XKR5: variants seen among roughly 807,000 people sequenced by gnomAD.
XKR5 encodes the protein XK-related protein 5.
In XKR5, 46 loss-of-function variants were observed where a neutral mutation model predicts 40.8. That is an observed-to-expected ratio of 1.13 (90% confidence interval 0.89 to 1.44). XKR5 has a LOEUF of 1.44. XKR5 is among the 40% of genes most tolerant of loss of function. The probability of loss-of-function intolerance (pLI) is 0.00; values close to 1 mark genes in which losing one functional copy is unlikely to be tolerated. For missense variants in XKR5, 1,169 were observed against 844.7 expected (o/e 1.38, Z -4.76); for synonymous variants, 466 against 356.1 (o/e 1.31, Z -3.48).
intron 5 of XKR5, among the ~76,000 whole-genome samples, chr8:6,816,808 T>C (rs1343534833): frequency 6.6e-6 from 1 of 151,004 alleles, no homozygotes; most frequent in South Asian, 2.1e-4. Flanking sequence ...TTAAATTATA[T>C]ACTGATTTGC....
intron 3 of XKR5, 110 bp downstream of exon 3, chr8:6,825,055 A>C (rs1350361115): frequency 7.6e-7 from 1 of 1,320,862 alleles, no homozygotes; most frequent in Admixed American, 2.5e-5. Flanking sequence ...AGGTGCCCTA[A>C]TGCTCCTAAG....
At chr8:6,812,691 C>G (rs752350601) in intron 6 of XKR5, among the ~76,000 whole-genome samples, 2 of 152,160 alleles carry the variant, frequency 1.3e-5, no homozygotes, top group African/African-American at 4.8e-5. Flanking sequence ...AAATGTTTGG[C>G]AGAAATAAGC....
chr8:6,812,048 T>C lies in XKR5; in HGVS notation c.1211A>G (p.His404Arg). ...AVEDSFLSHH[H>R]WLWVKLALKT... is the part of the protein sequence containing the mutation. ...TAGGGCAAGTTTCACCCACAGCCAG[T>C]GGTGATGACTGAGGAAAGAGTCCTC... Residue 404 changes from histidine to arginine, a missense_variant, in exon 7 of 7, where the codon CAC becomes CGC. Physicochemically the swap from His to Arg is conservative, Grantham distance 29. Transcript: ENST00000618742. The C allele has an allele frequency of 6.5e-7, 1 of 1,538,744 alleles. No homozygotes were observed. Among genetic ancestry groups the C allele is most frequent in the Non-Finnish European group, 8.7e-7 (1 of 1,146,932 alleles).
chr8:6,816,023 G>A, intron 5 of XKR5, 105 bp from the exon 6 acceptor site: 1 of 772,860 alleles, frequency 1.3e-6, no homozygotes, highest in African/African-American at 1.7e-5. Context: ...CATCCTGAGT[G>A]CCCACTGGAG....
rs78128087 is a variant in XKR5 at position 6,812,179 on chromosome 8, G to C, written c.1080C>G (p.Ser360Arg). The C allele has an allele frequency of 5.4e-5, 84 of 1,551,784 alleles. No individual in the cohort carries two copies. The African/African-American group carries it at 1.1e-3, about 20-fold the overall frequency. Residue 360 changes from serine (S) to arginine (R), a missense_variant, in exon 7 of 7, where the codon AGC becomes AGG. Ser to Arg is a moderately radical substitution (Grantham distance 110, BLOSUM62 -1). Transcript: ENST00000618742. ...AACTTGCCCCTTGGCATGAGCCTGA[G>C]CTCTCGGTTCTCTTCCCAGCTAGAT... ...ATDLAGKRTE[S>R]SGSCQGASYE...
At position 6,808,632 on chromosome 8, in the gene XKR5, T is replaced by G. The variant is rs1342783985; in HGVS notation, c.*2566A>C. ...GGAGGCATGAAGTGAGGAAGCCATC[T>G]GAGAAGCCGATGTTGGTCCACAGGG... On this transcript the variant is annotated 3_prime_UTR_variant, in exon 7 of 7. Transcript: ENST00000618742. 1 of 152,216 alleles carries G rather than the reference T, an allele frequency of 6.6e-6. No individual in the cohort carries two copies. The highest frequency in any genetic ancestry group is 1.9e-4 in the East Asian group (1 of 5,200). The allele number at this position is 152,216 out of a possible 1,614,324, so 9.4% of individuals were successfully genotyped here.
At chr8:6,820,104 A>G (rs1037063059) in intron 5 of XKR5, among the ~76,000 whole-genome samples, 1 of 152,216 alleles carries the variant, frequency 6.6e-6, no homozygotes, top group Non-Finnish European at 1.5e-5. Flanking sequence ...TGACTCTCAT[A>G]CAGTTCAGAA....
chr8:6,832,303 T>A (rs1176593699), intron 2 of XKR5, among the ~76,000 whole-genome samples: 1 of 152,238 alleles, frequency 6.6e-6, no homozygotes. Context: ...GAAGCAAATG[T>A]CAACAGGCTG....
chr8:6,822,956 G>T (rs1019045524), intron 4 of XKR5, among the ~76,000 whole-genome samples: 3 of 152,236 alleles, frequency 2.0e-5, no homozygotes, highest in East Asian at 3.8e-4. Context: ...GGTGAGGCAA[G>T]TGGGACCTTG....
chr8:6,831,784 G>C (rs1028406658), intron 2 of XKR5, among the ~76,000 whole-genome samples: 1 of 152,148 alleles, frequency 6.6e-6, no homozygotes, highest in African/African-American at 2.4e-5. Flanking sequence ...GGGAGGCCAA[G>C]GTGGGCGGAT....
chr8:6,812,021 T>C lies in XKR5; in HGVS notation c.1238A>G (p.Lys413Arg). The C allele has an allele frequency of 6.5e-7, 1 of 1,537,578 alleles. No homozygotes were observed. The highest frequency in any genetic ancestry group is 8.7e-7 in the Non-Finnish European group (1 of 1,146,930). ...ATTGATCTTAGACACATTTCCTGTT[T>C]TTAGGGCAAGTTTCACCCACAGCCA... ...HHWLWVKLAL[K>R]TGNVSKINAA... The change falls in exon 7 of 7, where the codon AAA (lysine) becomes AGA (arginine). Residue 413 changes from lysine to arginine, a missense_variant. Lys to Arg is a conservative substitution (Grantham distance 26). Transcript: ENST00000618742.
At position 6,821,939 on chromosome 8, in the gene XKR5, G is replaced by A. The variant is rs371182210; in HGVS notation, c.737C>T (p.Ala246Val). The A allele has an allele frequency of 5.0e-5, 81 of 1,612,682 alleles. No homozygotes were observed. Among genetic ancestry groups the A allele is most frequent in the Non-Finnish European group, 4.2e-5 (50 of 1,179,410 alleles). ...HWRLFNLLVG[A>V]VYILCYLSFW... ...GCTGAGGTAGCAGAGGATGTACACG[G>A]CCCCCACGAGCAGGTTGAACAGCCT... Residue 246 changes from alanine (A) to valine (V), a missense_variant, in exon 5 of 7, where the codon GCC (alanine) becomes GTC (valine). Transcript: ENST00000618742.
At chr8:6,829,532 T>C (rs1317422601) in intron 2 of XKR5, among the ~76,000 whole-genome samples, 1 of 152,222 alleles carries the variant, frequency 6.6e-6, no homozygotes, top group African/African-American at 2.4e-5. Flanking sequence ...ATTTATTTAT[T>C]TGAGATTGAG....
chr8:6,821,889 T>G lies in XKR5; in HGVS notation c.787A>C (p.Arg263=). The G allele has an allele frequency of 6.2e-7, 1 of 1,613,462 alleles. No individual in the cohort carries two copies. Among genetic ancestry groups the G allele is most frequent in the Non-Finnish European group, 8.5e-7 (1 of 1,179,684 alleles). ...LSFWDSPSRN[R]MVTFYMVMLL... Reference sequence around the variant, plus strand: ...CTTGCCATGTAGAACGTGACCATCCTATTTCTAGAAGGGCTGTCCCAGAAG... The same window carrying G: ...CTTGCCATGTAGAACGTGACCATCCGATTTCTAGAAGGGCTGTCCCAGAAG... Residue 263 remains arginine, a synonymous_variant, in exon 5 of 7, where the codon AGG becomes CGG. Coordinates refer to ENST00000618742, the MANE Select transcript of XKR5 (RefSeq NM_207411.5).
intron 2 of XKR5, 25 bp downstream of exon 2, chr8:6,832,692 A>C: frequency 1.2e-6 from 2 of 1,611,728 alleles, no homozygotes; most frequent in South Asian, 2.2e-5. Context: ...TGTGCTCCAG[A>C]GGTGAAAGAG....
At chr8:6,833,071 C>T (rs1006698097) in intron 1 of XKR5, among the ~76,000 whole-genome samples, 171 bp from the exon 2 acceptor site, 3 of 152,150 alleles carry the variant, frequency 2.0e-5, no homozygotes, top group Non-Finnish European at 4.4e-5. Flanking sequence ...TTTCAGCTAG[C>T]AAAGGGCCCA....
At position 6,809,709 on chromosome 8, in the gene XKR5, G is replaced by A. The variant is rs560273584; in HGVS notation, c.*1489C>T. ...GGTCTGAGAGCTTATTGCAGAAAGT[G>A]TCTGCAGGTGCCCTTAGTATGTGTC... On this transcript the variant is annotated 3_prime_UTR_variant, in exon 7 of 7. Coordinates refer to ENST00000618742, the MANE Select transcript of XKR5 (RefSeq NM_207411.5). 1.1e-3 allele frequency: 175 copies of A among 152,370 alleles called. No individual in the cohort carries two copies. The highest frequency in any genetic ancestry group is 4.1e-3 in the African/African-American group (171 of 41,590). 9.4% of individuals were successfully genotyped at this position (152,370 alleles called of 1,614,324 possible). A position where few individuals can be genotyped will look rare whatever the true frequency, so the allele number is the denominator to read the frequency against.
At chr8:6,825,114 G>T in intron 3 of XKR5, 51 bp downstream of exon 3, 1 of 1,601,464 alleles carries the variant, frequency 6.2e-7, no homozygotes, top group Non-Finnish European at 8.5e-7. Flanking sequence ...TCACATTCCT[G>T]TCCCCCTTCG....
At chr8:6,833,325 C>A (rs779265610) in intron 1 of XKR5, among the ~76,000 whole-genome samples, 2 of 152,258 alleles carry the variant, frequency 1.3e-5, no homozygotes, top group Non-Finnish European at 2.9e-5. Context: ...TGTCTCCTGC[C>A]TCCTGACCAC....
Sources: gnomAD v4.1 joint callset for allele counts (sites outside exome capture counted in the v4.1 genomes callset) on GRCh38, gnomAD v4.1.1 for gene constraint, MANE v1.5 for transcripts, NCBI Gene and HGNC (gene_info 2026-07-23, HGNC 2026-07-21) for gene names.